Variants in LYPLAL1 observed in about 807,000 individuals in gnomAD.
LYPLAL1 encodes the protein lysophospholipase like 1, also known as lysophospholipase-like protein 1.
A neutral mutation model predicts 19.7 loss-of-function variants in LYPLAL1; 23 were observed. The ratio of observed to expected loss-of-function variants is 1.17; its 90% CI spans 0.84 to 1.65. The LOEUF (loss-of-function observed/expected upper bound fraction) is 1.65. LYPLAL1 is among the 40% of genes most tolerant of loss of function. The pLI is 0.00. For missense variants in LYPLAL1, 355 were observed against 279.4 expected (o/e 1.27, Z -1.93); for synonymous variants, 119 against 96.3 (o/e 1.24, Z -1.38).
At chr1:219,369,064 A>G in the LYPLAL1 span, among the ~76,000 whole-genome samples, 1 of 152,230 alleles carries the variant, frequency 6.6e-6, no homozygotes, top group Non-Finnish European at 1.5e-5. Context: ...ACCAAATAAA[A>G]TGGGATGATA....
the LYPLAL1 span, among the ~76,000 whole-genome samples, chr1:219,257,933 A>T: frequency 6.6e-6 from 1 of 151,966 alleles, no homozygotes; most frequent in Admixed American, 6.6e-5. Flanking sequence ...CCATTTATAG[A>T]CCTTGTCCCA....
chr1:219,174,097 G>T (rs1655599871), intron 1 of LYPLAL1, 116 bp downstream of exon 1: 2 of 1,502,378 alleles, frequency 1.3e-6, no homozygotes, highest in Non-Finnish European at 1.8e-6. Flanking sequence ...CCAGTGGGTG[G>T]CTCCCCCGTC....
At chr1:219,410,675 G>A in the LYPLAL1 span, among the ~76,000 whole-genome samples, 25 of 152,238 alleles carry the variant, frequency 1.6e-4, no homozygotes, top group African/African-American at 5.8e-4. Flanking sequence ...GGGAACCGGG[G>A]CTGTGTGCGG....
chr1:219,360,340 A>G, the LYPLAL1 span, among the ~76,000 whole-genome samples: 1 of 152,014 alleles, frequency 6.6e-6, no homozygotes, highest in African/African-American at 2.4e-5. Flanking sequence ...TGATGAGACC[A>G]TCTCTTCTTG....
At chr1:219,270,196 G>A in the LYPLAL1 span, among the ~76,000 whole-genome samples, 76 of 152,328 alleles carry the variant, frequency 5.0e-4, no homozygotes, top group African/African-American at 1.7e-3. Flanking sequence ...TTGTTGTTTG[G>A]TGTCAATATC....
the LYPLAL1 span, among the ~76,000 whole-genome samples, chr1:219,289,415 A>T: frequency 6.6e-6 from 1 of 152,140 alleles, no homozygotes; most frequent in Non-Finnish European, 1.5e-5. Flanking sequence ...GGGAGTTTTT[A>T]TTAGGTACTA....
chr1:219,247,253 T>TA, the LYPLAL1 span, among the ~76,000 whole-genome samples: 5 of 152,352 alleles, frequency 3.3e-5, no homozygotes, highest in East Asian at 9.6e-4. Flanking sequence ...ACTCCAGACT[T>TA]ACACTCTAAC....
chr1:219,208,005 C>T (rs138477811), intron 3 of LYPLAL1, among the ~76,000 whole-genome samples: 11 of 152,132 alleles, frequency 7.2e-5, no homozygotes, highest in African/African-American at 2.6e-4. Flanking sequence ...TCCTCTCTCA[C>T]ATTCTCTCCT....
At chr1:219,185,647 T>C (rs1280574639) in intron 2 of LYPLAL1, among the ~76,000 whole-genome samples, 1 of 151,924 alleles carries the variant, frequency 6.6e-6, no homozygotes, top group Admixed American at 6.6e-5. Context: ...GGGCCTCTCC[T>C]ATGGGAAAAC....
the LYPLAL1 span, among the ~76,000 whole-genome samples, chr1:219,321,515 C>G: frequency 9.2e-5 from 14 of 152,146 alleles, no homozygotes; most frequent in African/African-American, 3.4e-4. Flanking sequence ...AAGTCCTTGC[C>G]CATGTCTATG....
At chr1:219,292,063 A>G in the LYPLAL1 span, among the ~76,000 whole-genome samples, 3 of 152,136 alleles carry the variant, frequency 2.0e-5, no homozygotes, top group Admixed American at 6.5e-5. Flanking sequence ...GGCCCACACA[A>G]TAGAAATGAA....
chr1:219,409,146 G>T, the LYPLAL1 span, among the ~76,000 whole-genome samples: 1 of 152,100 alleles, frequency 6.6e-6, no homozygotes, highest in East Asian at 1.9e-4. Flanking sequence ...ATATTGCAAA[G>T]AAAACTTTTA....
the LYPLAL1 span, among the ~76,000 whole-genome samples, chr1:219,379,688 T>C: frequency 6.6e-6 from 1 of 152,206 alleles, no homozygotes; most frequent in Non-Finnish European, 1.5e-5. Context: ...ATATTAATAA[T>C]GGTGAGTGGG....
the LYPLAL1 span, among the ~76,000 whole-genome samples, chr1:219,369,551 C>T: frequency 1.3e-5 from 2 of 152,232 alleles, no homozygotes; most frequent in African/African-American, 4.8e-5. Flanking sequence ...GGATTATGGG[C>T]GTGAGCCACT....
chr1:219,413,507 A>C, the LYPLAL1 span, among the ~76,000 whole-genome samples: 1 of 152,120 alleles, frequency 6.6e-6, no homozygotes, highest in East Asian at 1.9e-4. Flanking sequence ...GGGAAAGGGA[A>C]ATTCCTATTT....
At position 219,190,311 on chromosome 1, in the gene LYPLAL1, T is replaced by A. The variant is rs545802819; in HGVS notation, c.192-2771T>A. Among the ~76,000 whole-genome samples, 5 of 151,638 alleles carry A rather than the reference T, an allele frequency of 3.3e-5. No homozygotes were observed. In the East Asian group the frequency reaches 9.7e-4, roughly 29 times the overall value. On this transcript the variant is annotated intron_variant, in intron 2 of 4. Coordinates refer to ENST00000366928, the MANE Select transcript of LYPLAL1 (RefSeq NM_138794.5). ...TAAAATATATGGCAAAGATAAAATT[T>A]CACTGTTTGCTGAGAAGGGTGTCTT...
chr1:219,175,753 T>C (rs1655760494), intron 1 of LYPLAL1, among the ~76,000 whole-genome samples: 1 of 152,136 alleles, frequency 6.6e-6, no homozygotes. Flanking sequence ...TCTTTATCGT[T>C]GGGAGTAGGT....
At chr1:219,252,416 T>C in the LYPLAL1 span, among the ~76,000 whole-genome samples, 16 of 152,058 alleles carry the variant, frequency 1.1e-4, no homozygotes, top group Admixed American at 9.8e-4. Flanking sequence ...TGGCTATAGG[T>C]TTGTCATAGA....
chr1:219,416,956 A>T, the LYPLAL1 span, among the ~76,000 whole-genome samples: 1 of 152,250 alleles, frequency 6.6e-6, no homozygotes, highest in Non-Finnish European at 1.5e-5. Context: ...AAGGCTACAG[A>T]GGCAAAGTGC....
Sources: gnomAD v4.1 joint callset for allele counts (sites outside exome capture counted in the v4.1 genomes callset) on GRCh38, gnomAD v4.1.1 for gene constraint, MANE v1.5 for transcripts, NCBI Gene and HGNC (gene_info 2026-07-23, HGNC 2026-07-21) for gene names.